UVSSA: variants seen among roughly 807,000 people sequenced by gnomAD.
UVSSA encodes UV stimulated scaffold protein A.
In UVSSA, 72 loss-of-function variants were observed where a neutral mutation model predicts 73.9. The observed-to-expected ratio is 0.97, with a 90% CI of 0.81 to 1.19. The LOEUF (loss-of-function observed/expected upper bound fraction) is 1.19. Among genes scored for constraint, UVSSA ranks in the 50% most tolerant of loss-of-function variants. UVSSA has a pLI of 0.00. For synonymous variants in UVSSA, 454 were observed against 391.3 expected (o/e 1.16, Z -1.89); for missense variants, 1,150 against 965.0 (o/e 1.19, Z -2.54).
chr4:1,351,543 G>C (rs560717503), intron 3 of UVSSA, among the ~76,000 whole-genome samples, 172 bp from the exon 4 acceptor site: 1 of 149,968 alleles, frequency 6.7e-6, no homozygotes, highest in Non-Finnish European at 1.5e-5. Flanking sequence ...CCGCCACCTC[G>C]CCTGGCTAAT....
Position 1,349,508 on chromosome 4 carries a change from C to G in UVSSA, c.99-16C>G. On this transcript the variant is annotated splice_polypyrimidine_tract_variant and intron_variant, in intron 2 of 13. Coordinates refer to ENST00000389851, the MANE Select transcript of UVSSA (RefSeq NM_020894.4). ...TGCGTGTGGGGCAGTTGGGTCAGGC[C>G]AGCTCGCATCCCCAGGTCTTCAGAG... The G allele has an allele frequency of 6.2e-7, 1 of 1,608,506 alleles. No individual in the cohort carries two copies. The highest frequency in any genetic ancestry group is 8.5e-7 in the Non-Finnish European group (1 of 1,177,126).
At chr4:1,378,833 G>T (rs1365586131) in intron 10 of UVSSA, among the ~76,000 whole-genome samples, 2 of 152,360 alleles carry the variant, frequency 1.3e-5, no homozygotes, top group East Asian at 3.9e-4. Flanking sequence ...ACATGGCCAG[G>T]TGCTCTTCAG....
upstream of UVSSA, among the ~76,000 whole-genome samples, chr4:1,342,664 T>C (rs993577699): frequency 2.0e-5 from 3 of 152,244 alleles, no homozygotes; most frequent in African/African-American, 7.2e-5. Context: ...GTGTGTTGTG[T>C]GAGGAAGAGC....
Position 1,353,245 on chromosome 4 carries a change from G to T in UVSSA, c.766G>T (p.Asp256Tyr). 5 of 1,611,664 alleles carry T rather than the reference G, an allele frequency of 3.1e-6. No individual in the cohort carries two copies. Among genetic ancestry groups the T allele is most frequent in the African/African-American group, 1.3e-5 (1 of 75,070 alleles). ...CGGGGAGCAGCCCTGCTGCAGTAGAGACCTGCCTGCCTCTGCAGGCCACCC... is the reference window on the plus strand; with the variant it reads ...CGGGGAGCAGCCCTGCTGCAGTAGATACCTGCCTGCCTCTGCAGGCCACCC... ...RDGEQPCCSR[D>Y]LPASAGHPRA... The change falls in exon 5 of 14, where the codon GAC (aspartate) becomes TAC (tyrosine). Residue 256 changes from aspartate (D) to tyrosine (Y), a missense_variant. Coordinates refer to ENST00000389851, the MANE Select transcript of UVSSA (RefSeq NM_020894.4).
upstream of UVSSA, among the ~76,000 whole-genome samples, chr4:1,342,527 CTT>C (rs1458273072): frequency 9.2e-5 from 14 of 152,052 alleles, no homozygotes; most frequent in African/African-American, 3.4e-4. Flanking sequence ...TCAATTTATT[CTT>C]TCTTTTGTGG....
At chr4:1,390,403 C>T (rs1179329676), downstream of UVSSA, 1 of 152,156 alleles carries the variant, frequency 6.6e-6, no homozygotes, top group African/African-American at 2.4e-5. Flanking sequence ...CCTCAGCCTC[C>T]TGAGTAGCTG....
rs766622274 is a variant in UVSSA, at chr4:1,353,411, C to T, written c.932C>T (p.Ser311Leu). 5 of 1,532,178 alleles carry T rather than the reference C, an allele frequency of 3.3e-6. No individual in the cohort carries two copies. The highest frequency in any genetic ancestry group is 4.4e-6 in the Non-Finnish European group (5 of 1,137,306). 94.9% of individuals were successfully genotyped at this position (1,532,178 alleles called of 1,614,324 possible). The change falls in exon 5 of 14, where the codon TCA becomes TTA. Residue 311 changes from serine (S) to leucine (L), a missense_variant and splice_region_variant. Ser to Leu is a moderately radical substitution (Grantham distance 145). Transcript: ENST00000389851. Reference protein sequence around the residue: ...HKYTLDVELCSEGLKVQENED... With the variant: ...HKYTLDVELCLEGLKVQENED... ...TACACGCTGGATGTGGAGCTCTGCTCAGGTAACTGCCTTCGCGGGGTCTCT... is the reference window on the plus strand; with the variant it reads ...TACACGCTGGATGTGGAGCTCTGCTTAGGTAACTGCCTTCGCGGGGTCTCT...
chr4:1,352,002 TC>T (rs1714837617), intron 4 of UVSSA, among the ~76,000 whole-genome samples, 167 bp downstream of exon 4: 1 of 152,228 alleles, frequency 6.6e-6, no homozygotes, highest in South Asian at 2.1e-4. Context: ...GCCGTAGGCC[TC>T]CCAGGCTGTC....
chr4:1,394,480 C>G (rs956026402), exon 14 of UVSSA: 7 of 1,611,028 alleles, frequency 4.3e-6, no homozygotes, highest in East Asian at 2.2e-5. Context: ...TTTTAAATTT[C>G]AAATAGCTGT....
chr4:1,367,569 C>T (rs1482136485), intron 8 of UVSSA, among the ~76,000 whole-genome samples: 26 of 152,252 alleles, frequency 1.7e-4, no homozygotes, highest in Non-Finnish European at 4.4e-5. Context: ...CTGGGGCCGC[C>T]CAGGGAGGGC....
exon 14 of UVSSA, chr4:1,395,190 G>A (rs1201073271): frequency 1.4e-6 from 2 of 1,451,482 alleles, no homozygotes; most frequent in Non-Finnish European, 1.8e-6. Context: ...TGCCGATGCG[G>A]AGTGCCCGCC....
intron 4 of UVSSA, among the ~76,000 whole-genome samples, chr4:1,352,329 A>T (rs1049076951): frequency 6.6e-6 from 1 of 152,124 alleles, no homozygotes; most frequent in African/African-American, 2.4e-5. Flanking sequence ...TTCAGACTAC[A>T]TGTACCCCAG....
In UVSSA at chr4:1,380,191, G is replaced by C. The variant is rs750777288; in HGVS notation, c.1713G>C (p.Arg571Ser). 6.2e-7 allele frequency: 1 copy of C among 1,612,684 alleles called. No homozygotes were observed. Among genetic ancestry groups the C allele is most frequent in the Non-Finnish European group, 8.5e-7 (1 of 1,179,906 alleles). ...TGCAGCACTGGTGCCGTGCCCCGAG[G>C]CCAGACGGCCGGCTCTGTGAGCGCC... ...EPVQHWCRAP[R>S]PDGRLCERQD... Residue 571 changes from arginine to serine, a missense_variant, in exon 11 of 14, where the codon AGG (arginine) becomes AGC (serine). Physicochemically the swap from Arg to Ser is moderately radical, Grantham distance 110 (BLOSUM62 -1). Coordinates refer to ENST00000389851, the MANE Select transcript of UVSSA (RefSeq NM_020894.4).
At chr4:1,342,759 TA>T (rs530729203), upstream of UVSSA, among the ~76,000 whole-genome samples, 155 of 152,354 alleles carry the variant, frequency 1.0e-3, no homozygotes, top group African/African-American at 3.4e-3. Context: ...TCCCGTTGAA[TA>T]ACGTTGGCTC....
In UVSSA at chr4:1,355,109, T is replaced by A. The variant is rs1410965825; in HGVS notation, c.1048-8T>A. The A allele has an allele frequency of 1.2e-5, 19 of 1,613,300 alleles. No individual in the cohort carries two copies. The highest frequency in any genetic ancestry group is 1.6e-5 in the Non-Finnish European group (19 of 1,179,750). On this transcript the variant is annotated splice_region_variant and splice_polypyrimidine_tract_variant and intron_variant, in intron 6 of 13. Transcript: ENST00000389851. ...GGCCCCTGAGCTGTTCGCACCCCCG[T>A]TTCGCAGCGCTTCACCCGCGTCGGG... is the stretch of plus-strand genomic sequence containing the variant.
At chr4:1,371,390 G>A (rs988591774) in intron 8 of UVSSA, among the ~76,000 whole-genome samples, 26 of 152,180 alleles carry the variant, frequency 1.7e-4, no homozygotes, top group African/African-American at 4.8e-4. Flanking sequence ...CAGTCTGGGC[G>A]GTGCTGATTC....
chr4:1,343,156 C>A (rs1455367363), upstream of UVSSA, among the ~76,000 whole-genome samples: 1 of 152,138 alleles, frequency 6.6e-6, no homozygotes, highest in Non-Finnish European at 1.5e-5. Context: ...ACATTTATTT[C>A]TTCACGGTTC....
In UVSSA at chr4:1,351,172, TCTC is replaced by T. The variant is rs531465511; in HGVS notation, c.430-540_430-538del. 7.0e-5 allele frequency among the ~76,000 whole-genome samples: 10 copies of T among 143,118 alleles called. No homozygotes were observed. The South Asian group carries it at 2.3e-3, about 33-fold the overall frequency. 93.9% of individuals were successfully genotyped at this position (143,118 alleles called of 152,430 possible). A position where few individuals can be genotyped will look rare whatever the true frequency, so the allele number is the denominator to read the frequency against. ...GCTCCACCTCCCGGGTTCACGCCAT[TCTC>T]CTGCCTCAGCCTCCCAAGTAGCTGG... On this transcript the variant is annotated intron_variant, in intron 3 of 13. Coordinates refer to ENST00000389851, the MANE Select transcript of UVSSA (RefSeq NM_020894.4).
chr4:1,393,574 T>TTAGATAGATAGGTAGATAGATAGA (rs1720454577), exon 14 of UVSSA: 1 of 147,584 alleles, frequency 6.8e-6, no homozygotes, highest in African/African-American at 2.5e-5. Flanking sequence ...GATAGATAGA[T>TTAGATAGATAGGTAGATAGATAGA]TAGATAGATA....
Sources: gnomAD v4.1 joint callset for allele counts (sites outside exome capture counted in the v4.1 genomes callset) on GRCh38, gnomAD v4.1.1 for gene constraint, MANE v1.5 for transcripts, NCBI Gene and HGNC (gene_info 2026-07-23, HGNC 2026-07-21) for gene names.